The following NUP214 variants were observed in gnomAD, a reference collection of about 807,000 sequenced individuals.
NUP214 encodes nucleoporin 214.
NUP214 carries 79 observed loss-of-function variants against 196.2 expected under a neutral mutation model. The observed-to-expected ratio is 0.40, with a 90% confidence interval of 0.34 to 0.49. The LOEUF is 0.49. Ranked by LOEUF, NUP214 falls within the 20% of genes least tolerant of loss-of-function variation. The pLI, the probability that NUP214 is intolerant of heterozygous loss-of-function variation, is 0.58. For missense variants in NUP214, 2,468 were observed against 2,539.0 expected (o/e 0.97, Z 0.60); for synonymous variants, 1,020 against 990.5 (o/e 1.03, Z -0.56).
At chr9:131,150,156 C>T (rs369097591) in intron 14 of NUP214, 168 bp from the exon 15 acceptor site, 5 of 620,036 alleles carry the variant, frequency 8.1e-6, no homozygotes, top group East Asian at 2.8e-5. Flanking sequence ...CCTGCACTGT[C>T]TAGAACATGC....
At position 131,187,312 on chromosome 9, in the gene NUP214, C is replaced by G; in HGVS notation, c.3443C>G (p.Ala1148Gly). The G allele has an allele frequency of 6.2e-7, 1 of 1,613,726 alleles. No individual in the cohort carries two copies. The highest frequency in any genetic ancestry group is 8.5e-7 in the Non-Finnish European group (1 of 1,179,850). ...AGTTCTTCAGTGCCCTACTCCACAG[C>G]CAAAACACCTCACCCAGTGTTGACC... Reference protein sequence around the residue: ...AMGSSVPYSTAKTPHPVLTPV... With the variant: ...AMGSSVPYSTGKTPHPVLTPV... Residue 1148 changes from alanine (A) to glycine (G), a missense_variant, in exon 25 of 36, where the codon GCC becomes GGC. Ala to Gly is a moderately conservative substitution (Grantham distance 60, BLOSUM62 0). This residue lies in a region of NUP214 where 1,801 missense variants were observed against 1,779.4 expected (regional missense o/e 1.01). Coordinates refer to ENST00000359428, the MANE Select transcript of NUP214 (RefSeq NM_005085.4).
rs1832022885 is a variant in NUP214 at position 131,144,521 on chromosome 9, C to T, written c.1536C>T (p.Ala512=). The T allele has an allele frequency of 1.2e-6, 2 of 1,614,132 alleles. No individual in the cohort carries two copies. Among genetic ancestry groups the T allele is most frequent in the African/African-American group, 1.3e-5 (1 of 75,038 alleles). Residue 512 remains alanine (A), a synonymous_variant, in exon 12 of 36, where the codon GCC becomes GCT. Coordinates refer to ENST00000359428, the MANE Select transcript of NUP214 (RefSeq NM_005085.4). ...YSSGSDSSKA[A]PGPGPSTFSF... ...GTGGCTCCGACAGCTCCAAAGCAGC[C>T]CCAGGCCCTGGCCCATCAACCTTCT...
At chr9:131,207,583 C>G (rs1451467463) in intron 30 of NUP214, among the ~76,000 whole-genome samples, 2 of 152,244 alleles carry the variant, frequency 1.3e-5, no homozygotes, top group African/African-American at 4.8e-5. Context: ...AGTCACAGAA[C>G]ATCACTTAGG....
At chr9:131,172,753 C>G (rs1252871356) in intron 21 of NUP214, among the ~76,000 whole-genome samples, 1 of 152,202 alleles carries the variant, frequency 6.6e-6, no homozygotes. Flanking sequence ...TAGCACATAG[C>G]ATTGGTTTTT....
chr9:131,195,910 A>G (rs1461248228), intron 28 of NUP214, among the ~76,000 whole-genome samples: 2 of 150,634 alleles, frequency 1.3e-5, no homozygotes. Context: ...CTATAATCCC[A>G]GCTACTCAGG....
At chr9:131,140,460 C>A in intron 10 of NUP214, 89 bp from the exon 11 acceptor site, 1 of 1,131,848 alleles carries the variant, frequency 8.8e-7, no homozygotes, top group Non-Finnish European at 1.3e-6. Flanking sequence ...GTCCCTTAAA[C>A]CCTCTTCATG....
intron 24 of NUP214, among the ~76,000 whole-genome samples, chr9:131,184,041 T>C (rs1235114890): frequency 7.1e-6 from 1 of 141,784 alleles, no homozygotes; most frequent in Non-Finnish European, 1.5e-5. Flanking sequence ...TTTTTTTTTT[T>C]TTTTTTTGAG....
Position 131,198,311 on chromosome 9 carries a change from C to T in NUP214, c.4817C>T (p.Pro1606Leu), listed in dbSNP as rs375494430. ...VTAAAISSAG[P>L]VAVETSSTPI... ...GCAGCTGCTATCTCAAGTGCAGGCC[C>T]TGTGGCCGTCGAAACATCAAGTACC... is the stretch of plus-strand genomic sequence containing the variant. Residue 1606 changes from proline (P) to leucine (L), a missense_variant, in exon 29 of 36, where the codon CCT (proline) becomes CTT (leucine). Physicochemically the swap from Pro to Leu is moderately conservative, Grantham distance 98. Transcript: ENST00000359428. 3.1e-6 allele frequency: 5 copies of T among 1,614,232 alleles called. No individual in the cohort carries two copies. Among genetic ancestry groups the T allele is most frequent in the South Asian group, 2.2e-5 (2 of 91,086 alleles).
At chr9:131,224,932 TC>T (rs1299124569) in intron 32 of NUP214, among the ~76,000 whole-genome samples, 2 of 152,222 alleles carry the variant, frequency 1.3e-5, no homozygotes, top group African/African-American at 4.8e-5. Context: ...TTAACGGTTT[TC>T]CTATATATGG....
chr9:131,187,024 T>C, intron 24 of NUP214: 1 of 421,976 alleles, frequency 2.4e-6, no homozygotes, highest in Non-Finnish European at 4.4e-6. Context: ...GATCTAGTTC[T>C]GAATGGTTAC....
chr9:131,127,884 T>G (rs914435635), intron 2 of NUP214, among the ~76,000 whole-genome samples, 165 bp downstream of exon 2: 3 of 152,176 alleles, frequency 2.0e-5, no homozygotes, highest in Non-Finnish European at 4.4e-5. Flanking sequence ...TTCTCCTTGG[T>G]CCTTTGTATT....
In NUP214 at chr9:131,140,627, T is replaced by G; in HGVS notation, c.1211T>G (p.Ile404Ser). The G allele has an allele frequency of 6.2e-7, 1 of 1,614,114 alleles. No individual in the cohort carries two copies. Among genetic ancestry groups the G allele is most frequent in the South Asian group, 1.1e-5 (1 of 91,078 alleles). The stretch of plus-strand genomic sequence containing the variant: ...GGTGTGCTTTGTCCATTTTATATGA[T>G]TAATCAAAATCCTGGGGTTAAGTCT... Reference protein sequence around the residue: ...TDGVLCPFYMINQNPGVKSLI... With the variant: ...TDGVLCPFYMSNQNPGVKSLI... The change falls in exon 11 of 36, where the codon ATT becomes AGT. Residue 404 changes from isoleucine to serine, a missense_variant. Transcript: ENST00000359428.
intron 21 of NUP214, among the ~76,000 whole-genome samples, chr9:131,170,105 A>G (rs1832912144): frequency 1.3e-5 from 2 of 152,122 alleles, no homozygotes; most frequent in South Asian, 4.1e-4. Context: ...CAACATTAGG[A>G]ATGTATTTAT....
At chr9:131,223,101 C>G (rs1834607706) in intron 32 of NUP214, among the ~76,000 whole-genome samples, 171 bp downstream of exon 32, 1 of 152,140 alleles carries the variant, frequency 6.6e-6, no homozygotes, top group Non-Finnish European at 1.5e-5. Context: ...CTGCTACATT[C>G]CTAACATGAT....
chr9:131,207,967 C>A (rs1323306705), intron 30 of NUP214, among the ~76,000 whole-genome samples: 1 of 152,136 alleles, frequency 6.6e-6, no homozygotes, highest in Admixed American at 6.5e-5. Flanking sequence ...AAAAGGTGAT[C>A]AAGTAGCATT....
chr9:131,198,560 A>G lies in NUP214; in HGVS notation c.5066A>G (p.Gln1689Arg). The change falls in exon 29 of 36, where the codon CAG becomes CGG. Residue 1689 changes from glutamine (Q) to arginine (R), a missense_variant. Coordinates refer to ENST00000359428, the MANE Select transcript of NUP214 (RefSeq NM_005085.4). ...ACCGCACCAAGTCTGTTTGGGCAGCAGACTGGTAGCACAGCCAGCACAGCA... is the reference window on the plus strand; with the variant it reads ...ACCGCACCAAGTCTGTTTGGGCAGCGGACTGGTAGCACAGCCAGCACAGCA... ...ASTAPSLFGQQTGSTASTAAA... is the reference protein window; with the variant it reads ...ASTAPSLFGQRTGSTASTAAA... The G allele has an allele frequency of 6.2e-7, 1 of 1,614,228 alleles. No individual in the cohort carries two copies. Among genetic ancestry groups the G allele is most frequent in the Non-Finnish European group, 8.5e-7 (1 of 1,180,034 alleles).
In NUP214 at chr9:131,189,136, GT is replaced by G; in HGVS notation, c.3574+8del. 6.2e-7 allele frequency: 1 copy of G among 1,613,430 alleles called. No homozygotes were observed. Among genetic ancestry groups the G allele is most frequent in the Non-Finnish European group, 8.5e-7 (1 of 1,179,468 alleles). ...CATCTGGTGACAAAGCTTCAGGTCAGTTTGCATTTTTGTTTTCTTGAAAAGT... is the reference window on the plus strand; with the variant it reads ...CATCTGGTGACAAAGCTTCAGGTCAGTTGCATTTTTGTTTTCTTGAAAAGT... On this transcript the variant is annotated splice_donor_region_variant and intron_variant, in intron 26 of 35. Coordinates refer to ENST00000359428, the MANE Select transcript of NUP214 (RefSeq NM_005085.4).
At chr9:131,183,819 A>T (rs1833359962) in intron 24 of NUP214, among the ~76,000 whole-genome samples, 1 of 152,034 alleles carries the variant, frequency 6.6e-6, no homozygotes, top group South Asian at 2.1e-4. Flanking sequence ...CTTTATTCCC[A>T]CCACAAATGT....
In NUP214 at chr9:131,198,396, A is replaced by G. The variant is rs1833853447; in HGVS notation, c.4902A>G (p.Ala1634=). The G allele has an allele frequency of 6.2e-7, 1 of 1,614,092 alleles. No individual in the cohort carries two copies. Among genetic ancestry groups the G allele is most frequent in the African/African-American group, 1.3e-5 (1 of 74,936 alleles). ...VAPGPSAEAA[A]FGTVTSGSSV... is the part of the protein sequence containing the mutation. ...CCGGCCCATCTGCAGAGGCAGCAGC[A>G]TTTGGTACCGTCACTTCTGGCTCAT... Residue 1634 remains alanine (A), a synonymous_variant, in exon 29 of 36, where the codon GCA becomes GCG. Transcript: ENST00000359428.
Sources: gnomAD v4.1 joint callset for allele counts (sites outside exome capture counted in the v4.1 genomes callset) on GRCh38, gnomAD v4.1.1 for gene constraint, gnomAD v4.1.1 regional missense constraint, MANE v1.5 for transcripts, NCBI Gene and HGNC (gene_info 2026-07-23, HGNC 2026-07-21) for gene names.